The following TNIK variants were observed in gnomAD, a reference collection of about 807,000 sequenced individuals.
The protein encoded by TNIK is TRAF2 and NCK-interacting protein kinase.
TNIK carries 49 observed loss-of-function variants against 191.3 expected under a neutral mutation model. The ratio of observed to expected loss-of-function variants is 0.26; its 90% CI spans 0.20 to 0.32. The LOEUF (loss-of-function observed/expected upper bound fraction) is 0.32. TNIK is among the 10% of genes least tolerant of loss of function. The pLI is 1.00. For synonymous variants in TNIK, 594 were observed against 600.9 expected, an observed-to-expected ratio of 0.99 and a Z score of 0.17; for missense variants, 1,155 against 1,702.3, an observed-to-expected ratio of 0.68 and a Z score of 5.66.
chr3:171,107,138 T>C, intron 21 of TNIK, 45 bp downstream of exon 21: 1 of 1,585,948 alleles, frequency 6.3e-7, no homozygotes, highest in Admixed American at 1.8e-5. Flanking sequence ...ATAAGTTTAA[T>C]ATTTACATTT....
chr3:171,076,755 C>T (rs951802477), intron 28 of TNIK, among the ~76,000 whole-genome samples: 1 of 152,134 alleles, frequency 6.6e-6, no homozygotes, highest in African/African-American at 2.4e-5. Flanking sequence ...GCTTGCAACT[C>T]TTTCAACTAC....
intron 1 of TNIK, among the ~76,000 whole-genome samples, chr3:171,411,327 A>G (rs914276901): frequency 6.6e-6 from 1 of 152,152 alleles, no homozygotes; most frequent in Non-Finnish European, 1.5e-5. Context: ...GGAGATTGAA[A>G]GTGGTGCTGG....
At chr3:171,112,360 C>G (rs752838641) in intron 18 of TNIK, among the ~76,000 whole-genome samples, 3 of 152,250 alleles carry the variant, frequency 2.0e-5, no homozygotes, top group East Asian at 1.9e-4. Context: ...GAGTTCCTGA[C>G]CAGCTACTGG....
intron 1 of TNIK, among the ~76,000 whole-genome samples, chr3:171,426,560 T>C (rs1424697912): frequency 6.6e-6 from 1 of 151,844 alleles, no homozygotes; most frequent in East Asian, 1.9e-4. Context: ...ATAATAAATA[T>C]ATATATATAA....
chr3:171,107,910 TA>T (rs941541026), intron 20 of TNIK, 154 bp downstream of exon 20: 1 of 660,296 alleles, frequency 1.5e-6, no homozygotes, highest in Non-Finnish European at 2.4e-6. Flanking sequence ...GGTTCTTTCC[TA>T]ATCAGGTATG....
intron 9 of TNIK, among the ~76,000 whole-genome samples, chr3:171,171,062 G>C (rs1735221164): frequency 6.6e-6 from 1 of 151,948 alleles, no homozygotes; most frequent in Non-Finnish European, 1.5e-5. Context: ...TAAAAAAAAA[G>C]AAATCCTCAT....
intron 9 of TNIK, among the ~76,000 whole-genome samples, chr3:171,171,042 ACTCTGT>A (rs1431855791): frequency 2.6e-5 from 4 of 151,886 alleles, no homozygotes; most frequent in African/African-American, 9.7e-5. Flanking sequence ...ACAGAATGAG[ACTCTGT>A]CTCTAAAAAA....
intron 2 of TNIK, among the ~76,000 whole-genome samples, chr3:171,328,391 C>T: frequency 6.6e-6 from 1 of 152,202 alleles, no homozygotes; most frequent in Admixed American, 6.5e-5. Flanking sequence ...GACTGGGACA[C>T]TGCAGATTCG....
At chr3:171,244,663 C>G (rs1013655346) in intron 2 of TNIK, among the ~76,000 whole-genome samples, 1 of 151,700 alleles carries the variant, frequency 6.6e-6, no homozygotes, top group Non-Finnish European at 1.5e-5. Flanking sequence ...TTTTTGAACT[C>G]GAAATTTAAT....
intron 2 of TNIK, among the ~76,000 whole-genome samples, chr3:171,286,263 T>C (rs775949131): frequency 2.0e-5 from 3 of 152,182 alleles, no homozygotes; most frequent in Non-Finnish European, 4.4e-5. Flanking sequence ...GTCCCTACTA[T>C]AGTACTTAGA....
At chr3:171,211,074 G>GT in intron 4 of TNIK, 42 bp downstream of exon 4, 1 of 1,599,218 alleles carries the variant, frequency 6.3e-7, no homozygotes, top group Non-Finnish European at 8.5e-7. Context: ...GGCCGTGTTT[G>GT]TTTTTTATGT....
intron 1 of TNIK, among the ~76,000 whole-genome samples, chr3:171,432,988 T>C (rs1463819686): frequency 7.9e-5 from 12 of 152,168 alleles, no homozygotes; most frequent in Admixed American, 7.9e-4. Flanking sequence ...GATAATATAA[T>C]GTATTTTTAA....
At chr3:171,256,643 T>C (rs1032229817) in intron 2 of TNIK, among the ~76,000 whole-genome samples, 2 of 152,102 alleles carry the variant, frequency 1.3e-5, no homozygotes, top group African/African-American at 2.4e-5. Flanking sequence ...TTACAAAGGG[T>C]GACTAGCTGA....
At chr3:171,288,199 G>A (rs952743287) in intron 2 of TNIK, among the ~76,000 whole-genome samples, 4 of 146,772 alleles carry the variant, frequency 2.7e-5, no homozygotes, top group East Asian at 2.0e-4. Flanking sequence ...GGATAGCATT[G>A]GGAGATATAC....
intron 1 of TNIK, among the ~76,000 whole-genome samples, chr3:171,371,946 T>A (rs1716545281): frequency 1.1e-5 from 1 of 89,916 alleles, no homozygotes; most frequent in African/African-American, 3.7e-5. Flanking sequence ...AAAAAAAAAA[T>A]AACAGAAAGA....
In TNIK at chr3:171,190,743, A is replaced by G; in HGVS notation, c.462T>C (p.Ile154=). The G allele has an allele frequency of 6.3e-7, 1 of 1,597,794 alleles. No individual in the cohort carries two copies. The highest frequency in any genetic ancestry group is 1.1e-5 in the South Asian group (1 of 87,824). ...LHQHKVIHRD[I]KGQNVLLTEN... is the part of the protein sequence containing the mutation. ...CAGTCAGCAAGACATTTTGCCCTTT[A>G]ATATCTCGATGAATCACTTTATGCT... The change falls in exon 6 of 33, where the codon ATT becomes ATC. Residue 154 remains isoleucine, a synonymous_variant. Coordinates refer to ENST00000436636, the MANE Select transcript of TNIK (RefSeq NM_015028.4).
At chr3:171,143,853 G>A (rs1020215973) in intron 12 of TNIK, among the ~76,000 whole-genome samples, 2 of 152,112 alleles carry the variant, frequency 1.3e-5, no homozygotes, top group African/African-American at 4.8e-5. Context: ...AGCTCTTATT[G>A]GCTGGAACAT....
intron 1 of TNIK, among the ~76,000 whole-genome samples, chr3:171,421,937 G>A (rs1018359127): frequency 6.6e-6 from 1 of 151,672 alleles, no homozygotes; most frequent in African/African-American, 2.4e-5. Context: ...TCACCATGTT[G>A]GCCAGGCTGG....
At chr3:171,396,984 A>T (rs17476416) in intron 1 of TNIK, among the ~76,000 whole-genome samples, 8,053 of 152,294 alleles carry the variant, frequency 0.053, 264 homozygotes, top group East Asian at 0.11. Flanking sequence ...TCCAGCAAGT[A>T]TGTTTATAAA....
Sources: allele counts gnomAD v4.1 joint callset (sites outside exome capture counted in the v4.1 genomes callset), GRCh38; gene constraint gnomAD v4.1.1; transcripts MANE v1.5; gene names NCBI Gene and HGNC (gene_info 2026-07-23, HGNC 2026-07-21).